The following SLC7A14 variants were observed in gnomAD, a reference collection of about 807,000 sequenced individuals.
SLC7A14 encodes the protein solute carrier family 7 member 14.
A neutral mutation model predicts 60.2 loss-of-function variants in SLC7A14; 37 were observed. The observed-to-expected ratio is 0.61, with a 90% CI of 0.47 to 0.81. The LOEUF (loss-of-function observed/expected upper bound fraction) is 0.81. SLC7A14 is among the 30% of genes least tolerant of loss of function. SLC7A14 has a pLI of 0.00. For missense variants in SLC7A14, 886 were observed against 982.7 expected, an observed-to-expected ratio of 0.90 and a Z score of 1.32; for synonymous variants, 399 against 395.8, an observed-to-expected ratio of 1.01 and a Z score of -0.10.
intron 2 of SLC7A14, among the ~76,000 whole-genome samples, chr3:170,512,094 G>A (rs563566055): frequency 2.6e-5 from 4 of 152,346 alleles, no homozygotes; most frequent in Admixed American, 2.6e-4. Context: ...GAAGCAGGCA[G>A]TGTCCCATTT....
chr3:170,527,049 C>T lies in SLC7A14; in HGVS notation c.-113G>A, dbSNP rs983765306. ...CAGGGATCTCCCTTTTAGGAAAGGC[C>T]CAGAGGGACCCAGTGCAGCCTTCTC... On this transcript the variant is annotated 5_prime_UTR_variant, in exon 2 of 8. Coordinates refer to ENST00000231706, the MANE Select transcript of SLC7A14 (RefSeq NM_020949.3). 1.2e-5 allele frequency: 14 copies of T among 1,134,440 alleles called. No individual in the cohort carries two copies. The East Asian group carries it at 2.8e-4, about 23-fold the overall frequency. 70.3% of individuals were successfully genotyped at this position (1,134,440 alleles called of 1,614,324 possible).
At chr3:170,584,260 A>G (rs1476981491) in intron 1 of SLC7A14, among the ~76,000 whole-genome samples, 1 of 152,228 alleles carries the variant, frequency 6.6e-6, no homozygotes, top group Non-Finnish European at 1.5e-5. Context: ...TATCTAGAGC[A>G]TGTAAATAAC....
intron 2 of SLC7A14, among the ~76,000 whole-genome samples, chr3:170,510,063 A>C (rs1358927955): frequency 7.0e-6 from 1 of 143,274 alleles, no homozygotes; most frequent in East Asian, 2.1e-4. Context: ...GGACAAGAGC[A>C]AAACTCTGTC....
In SLC7A14 at chr3:170,471,260, C is replaced by T. The variant is rs114104287; in HGVS notation, c.1994-3883G>A. On this transcript the variant is annotated intron_variant, in intron 7 of 7. Coordinates refer to ENST00000231706, the MANE Select transcript of SLC7A14 (RefSeq NM_020949.3). The stretch of plus-strand genomic sequence containing the variant: ...GGTCTCCCCATGCCCTAATCCAGGG[C>T]GCTTCTATCCCTCTTACATCTCCCG... Among the ~76,000 whole-genome samples the T allele has an allele frequency of 4.9e-3, 744 of 152,222 alleles. 8 individuals carry two copies. The highest frequency in any genetic ancestry group is 0.017 in the African/African-American group (695 of 41,520).
chr3:170,480,454 T>G lies in SLC7A14; in HGVS notation c.1828A>C (p.Thr610Pro). 1.2e-6 allele frequency: 2 copies of G among 1,613,888 alleles called. No individual in the cohort carries two copies. The highest frequency in any genetic ancestry group is 1.7e-6 in the Non-Finnish European group (2 of 1,179,864). The change falls in exon 7 of 8, where the codon ACC (threonine) becomes CCC (proline). Residue 610 changes from threonine (T) to proline (P), a missense_variant. By Grantham distance (38) the Thr-to-Pro change is conservative (BLOSUM62 -1). Coordinates refer to ENST00000231706, the MANE Select transcript of SLC7A14 (RefSeq NM_020949.3). ...TGCTGCAGGATCACAAACACCAGGGTGCTGATCAGCAGCACCATCAGAACA... is the reference window on the plus strand; with the variant it reads ...TGCTGCAGGATCACAAACACCAGGGGGCTGATCAGCAGCACCATCAGAACA... ...LVVLMVLLIS[T>P]LVFVILQQPE...
intron 4 of SLC7A14, among the ~76,000 whole-genome samples, chr3:170,492,076 T>C (rs1291821877): frequency 1.3e-5 from 2 of 152,214 alleles, no homozygotes; most frequent in African/African-American, 4.8e-5. Context: ...AATGAAACTG[T>C]ATATGGGTGT....
At chr3:170,489,726 G>A (rs1215107649) in intron 4 of SLC7A14, among the ~76,000 whole-genome samples, 10 of 152,168 alleles carry the variant, frequency 6.6e-5, no homozygotes, top group African/African-American at 2.4e-4. Context: ...AAGAAAATGT[G>A]GGACATATAC....
intron 1 of SLC7A14, among the ~76,000 whole-genome samples, chr3:170,562,900 A>G (rs190259896): frequency 1.5e-3 from 234 of 152,134 alleles, no homozygotes; most frequent in African/African-American, 5.3e-3. Flanking sequence ...AGCTGGGATT[A>G]CAGGTGCACA....
At chr3:170,499,958 T>A (rs899474586) in intron 3 of SLC7A14, among the ~76,000 whole-genome samples, 2 of 152,204 alleles carry the variant, frequency 1.3e-5, no homozygotes, top group Non-Finnish European at 2.9e-5. Context: ...AGAACAGGTT[T>A]GTTCTTTATA....
In SLC7A14 at chr3:170,501,347, T is replaced by C. The variant is rs754169844; in HGVS notation, c.305-2A>G. On this transcript the variant is annotated splice_acceptor_variant, in intron 2 of 7. Transcript: ENST00000231706. LOFTEE classifies it high-confidence loss of function. ...CTCCAAACTCTGCATAGCAGACGCC[T>C]GCAAGGGACAGACATACACAGATGG... 3.7e-6 allele frequency: 6 copies of C among 1,612,978 alleles called. No individual in the cohort carries two copies. Among genetic ancestry groups the C allele is most frequent in the Non-Finnish European group, 3.4e-6 (4 of 1,179,046 alleles).
At chr3:170,554,368 G>T (rs1230387598) in intron 1 of SLC7A14, among the ~76,000 whole-genome samples, 4 of 152,164 alleles carry the variant, frequency 2.6e-5, no homozygotes, top group Non-Finnish European at 4.4e-5. Context: ...AATAGTTCTT[G>T]TAGGAGGTTT....
intron 7 of SLC7A14, among the ~76,000 whole-genome samples, chr3:170,472,358 G>C (rs980075230): frequency 8.0e-6 from 1 of 124,502 alleles, no homozygotes; most frequent in Non-Finnish European, 1.7e-5. Flanking sequence ...GACAGAGTGA[G>C]ACTCCATCTC....
intron 1 of SLC7A14, among the ~76,000 whole-genome samples, chr3:170,584,621 C>T (rs948720052): frequency 5.3e-5 from 8 of 152,204 alleles, no homozygotes; most frequent in Non-Finnish European, 1.2e-4. Flanking sequence ...AGGTCGCTTG[C>T]TTAGAACCCT....
In SLC7A14 at chr3:170,504,781, C is replaced by T. The variant is rs563695396; in HGVS notation, c.305-3436G>A. Among the ~76,000 whole-genome samples, 3 of 152,190 alleles carry T rather than the reference C, an allele frequency of 2.0e-5. No homozygotes were observed. In the South Asian group the frequency reaches 6.2e-4, roughly 32 times the overall value. On this transcript the variant is annotated intron_variant, in intron 2 of 7. Coordinates refer to ENST00000231706, the MANE Select transcript of SLC7A14 (RefSeq NM_020949.3). ...TTTACAGCTAAAGTCAACTCTTAAT[C>T]ATCTAGTTAGTGAGGGAAGCCCTGT...
chr3:170,529,959 G>C (rs1713623531), intron 1 of SLC7A14, among the ~76,000 whole-genome samples: 1 of 152,172 alleles, frequency 6.6e-6, no homozygotes, highest in Non-Finnish European at 1.5e-5. Flanking sequence ...ATAGCTCTAA[G>C]AAGCCAACCC....
intron 1 of SLC7A14, among the ~76,000 whole-genome samples, chr3:170,528,222 C>G (rs1179157798): frequency 6.6e-6 from 1 of 152,070 alleles, no homozygotes; most frequent in African/African-American, 2.4e-5. Context: ...GGAGGTATGA[C>G]AAAGTATTTA....
At chr3:170,569,218 G>T (rs961807657) in intron 1 of SLC7A14, among the ~76,000 whole-genome samples, 3 of 152,094 alleles carry the variant, frequency 2.0e-5, no homozygotes, top group Non-Finnish European at 4.4e-5. Flanking sequence ...TTTTTAGCAT[G>T]AAGGGTTGTT....
intron 4 of SLC7A14, among the ~76,000 whole-genome samples, 195 bp downstream of exon 4, chr3:170,498,472 C>A (rs995177390): frequency 6.6e-6 from 1 of 151,790 alleles, no homozygotes; most frequent in African/African-American, 2.4e-5. Flanking sequence ...TAACAAATGC[C>A]TGTGGAAAAA....
chr3:170,521,820 C>G (rs1368491876), intron 2 of SLC7A14, among the ~76,000 whole-genome samples: 1 of 151,980 alleles, frequency 6.6e-6, no homozygotes, highest in Non-Finnish European at 1.5e-5. Flanking sequence ...ACTCGGGAGG[C>G]TGAGGCAGAA....
Sources: gnomAD v4.1 joint callset for allele counts (sites outside exome capture counted in the v4.1 genomes callset) on GRCh38, gnomAD v4.1.1 for gene constraint, MANE v1.5 for transcripts, NCBI Gene and HGNC (gene_info 2026-07-23, HGNC 2026-07-21) for gene names.